The following PDK1 variants were observed in gnomAD, a reference collection of about 807,000 sequenced individuals.
PDK1 encodes [Pyruvate dehydrogenase (acetyl-transferring)] kinase isozyme 1, mitochondrial.
A neutral mutation model predicts 54.2 loss-of-function variants in PDK1; 39 were observed. That is an observed-to-expected ratio of 0.72 (90% CI 0.56 to 0.94). The LOEUF (loss-of-function observed/expected upper bound fraction) is 0.94, where lower values mean the gene tolerates loss of function less well. Ranked by LOEUF, PDK1 falls within the 40% of genes least tolerant of loss-of-function variation. The pLI, the probability that PDK1 is intolerant of heterozygous loss-of-function variation, is 0.00. For missense variants in PDK1, 552 were observed against 566.0 expected (o/e 0.98, Z 0.25); for synonymous variants, 221 against 207.1 (o/e 1.07, Z -0.58).
At chr2:172,590,424 GT>G (rs1478400087) in intron 9 of PDK1, among the ~76,000 whole-genome samples, 1 of 152,152 alleles carries the variant, frequency 6.6e-6, no homozygotes, top group East Asian at 1.9e-4. Context: ...TGTGTCCAGA[GT>G]TTCTTTCTTC....
chr2:172,717,684 T>G, the PDK1 span, among the ~76,000 whole-genome samples: 1 of 152,214 alleles, frequency 6.6e-6, no homozygotes, highest in African/African-American at 2.4e-5. Context: ...AATTGTTCTT[T>G]ATTCCAAGCC....
the PDK1 span, among the ~76,000 whole-genome samples, chr2:172,644,381 A>T: frequency 6.6e-6 from 1 of 152,196 alleles, no homozygotes; most frequent in Admixed American, 6.5e-5. Context: ...TCTGATGGTC[A>T]TTAGTTGTGT....
Position 172,601,663 on chromosome 2 carries a change from T to C in PDK1, c.*5694T>C, listed in dbSNP as rs954125204. 1 of 152,150 alleles carries C rather than the reference T, an allele frequency of 6.6e-6. No homozygotes were observed. Among genetic ancestry groups the C allele is most frequent in the South Asian group, 2.1e-4 (1 of 4,832 alleles). 9.4% of individuals were successfully genotyped at this position (152,150 alleles called of 1,614,324 possible). ...AATTACCCCGTCTCAGGCAGTTCTT[T>C]ATAGCAGTGTGGGGATGGACTAATA... is the stretch of plus-strand genomic sequence containing the variant. On this transcript the variant is annotated 3_prime_UTR_variant, in exon 11 of 11. Transcript: ENST00000282077.
the PDK1 span, among the ~76,000 whole-genome samples, chr2:172,685,069 G>T: frequency 6.6e-6 from 1 of 152,134 alleles, no homozygotes; most frequent in Admixed American, 6.6e-5. Flanking sequence ...GAAGGCGCTT[G>T]CTTCCCCTTC....
the PDK1 span, among the ~76,000 whole-genome samples, chr2:172,669,947 G>A: frequency 6.6e-6 from 1 of 151,966 alleles, no homozygotes; most frequent in South Asian, 2.1e-4. Flanking sequence ...CTCCATCTGT[G>A]GGTTGCCTCT....
intron 8 of PDK1, among the ~76,000 whole-genome samples, chr2:172,571,315 T>C (rs966257294): frequency 3.9e-5 from 6 of 152,222 alleles, no homozygotes; most frequent in Non-Finnish European, 8.8e-5. Context: ...ATATCCAGTC[T>C]TCTGTCCCCA....
the PDK1 span, among the ~76,000 whole-genome samples, chr2:172,707,396 T>G: frequency 9.2e-5 from 14 of 152,194 alleles, no homozygotes; most frequent in African/African-American, 3.1e-4. Flanking sequence ...GATGTTTGAC[T>G]AGGCTAGAGT....
chr2:172,594,360 G>T (rs35665064), intron 10 of PDK1, among the ~76,000 whole-genome samples: 22,268 of 152,026 alleles, frequency 0.15, 1,928 homozygotes, highest in African/African-American at 0.23. Flanking sequence ...GTAACATTTT[G>T]ATCTAGCCCA....
chr2:172,668,864 T>C, the PDK1 span, among the ~76,000 whole-genome samples: 7 of 130,124 alleles, frequency 5.4e-5, no homozygotes, highest in South Asian at 1.3e-3. Context: ...CATATATATG[T>C]ATGTATGTAC....
intron 6 of PDK1, among the ~76,000 whole-genome samples, chr2:172,568,348 A>AG (rs1553479414): frequency 4.0e-5 from 6 of 151,046 alleles, no homozygotes; most frequent in South Asian, 2.1e-4. Flanking sequence ...AAAAAAAAAA[A>AG]AAGAAGAAGA....
intron 4 of PDK1, 26 bp from the exon 5 acceptor site, chr2:172,564,952 T>C: frequency 6.7e-7 from 1 of 1,490,236 alleles, no homozygotes; most frequent in Non-Finnish European, 9.4e-7. Flanking sequence ...TAGCTTATTT[T>C]GTTGGTTTTT....
chr2:172,715,567 C>G, the PDK1 span, among the ~76,000 whole-genome samples: 1 of 152,232 alleles, frequency 6.6e-6, no homozygotes, highest in African/African-American at 2.4e-5. Flanking sequence ...AGAGACTGTT[C>G]ACAGAAGCTT....
chr2:172,574,112 G>A (rs1689447058), intron 8 of PDK1, among the ~76,000 whole-genome samples: 2 of 152,114 alleles, frequency 1.3e-5, no homozygotes, highest in African/African-American at 4.8e-5. Flanking sequence ...TTTGTACATG[G>A]TTTGAGGTAG....
intron 8 of PDK1, among the ~76,000 whole-genome samples, chr2:172,572,077 G>A (rs915477974): frequency 1.3e-5 from 2 of 152,060 alleles, no homozygotes; most frequent in Non-Finnish European, 2.9e-5. Flanking sequence ...TTATCCGCCT[G>A]CCTCGGCCTC....
chr2:172,697,840 C>CTAA, the PDK1 span, among the ~76,000 whole-genome samples: 2 of 152,126 alleles, frequency 1.3e-5, no homozygotes, highest in Non-Finnish European at 2.9e-5. Context: ...TTATACATTA[C>CTAA]CACAGCTATA....
At chr2:172,592,841 A>G (rs1465578350) in intron 9 of PDK1, 94 bp from the exon 10 acceptor site, 2 of 635,094 alleles carry the variant, frequency 3.1e-6, no homozygotes, top group Non-Finnish European at 5.8e-6. Flanking sequence ...GCGGGCTCTG[A>G]TAGCCCCGTG....
At chr2:172,628,753 A>G in the PDK1 span, among the ~76,000 whole-genome samples, 26 of 152,066 alleles carry the variant, frequency 1.7e-4, no homozygotes, top group African/African-American at 6.0e-4. Flanking sequence ...AGAGTATTCC[A>G]TAGTATACCT....
chr2:172,566,974 G>C, intron 6 of PDK1, 41 bp downstream of exon 6: 1 of 1,289,410 alleles, frequency 7.8e-7, no homozygotes, highest in Non-Finnish European at 1.1e-6. Context: ...TTAGTGCTTT[G>C]ATTACTTGAT....
At chr2:172,692,808 A>G in the PDK1 span, among the ~76,000 whole-genome samples, 1 of 152,226 alleles carries the variant, frequency 6.6e-6, no homozygotes, top group East Asian at 1.9e-4. Flanking sequence ...TGGTCAGAGC[A>G]CTTAGGGCCA....
Sources: allele counts gnomAD v4.1 joint callset (sites outside exome capture counted in the v4.1 genomes callset), GRCh38; gene constraint gnomAD v4.1.1; transcripts MANE v1.5; gene names NCBI Gene and HGNC (gene_info 2026-07-23, HGNC 2026-07-21).